The following STEAP1B variants were observed in gnomAD, a reference collection of about 807,000 sequenced individuals.
STEAP1B encodes the protein STEAP family protein MGC87042.
Under a neutral mutation model 27.9 loss-of-function variants are expected in STEAP1B, and 13 were observed. That is an observed-to-expected ratio of 0.47 (90% confidence interval 0.30 to 0.74). STEAP1B has a LOEUF of 0.74. Among genes scored for constraint, STEAP1B ranks in the 30% least tolerant of loss-of-function variants. STEAP1B has a pLI of 0.06. For synonymous variants in STEAP1B, 86 were observed against 107.1 expected (o/e 0.80, Z 1.22); for missense variants, 250 against 298.7 (o/e 0.84, Z 1.20).
intron 4 of STEAP1B, among the ~76,000 whole-genome samples, chr7:22,459,280 A>T (rs1177596973): frequency 6.6e-6 from 1 of 152,240 alleles, no homozygotes; most frequent in African/African-American, 2.4e-5. Context: ...CATTTACCTT[A>T]TAAACTTCTT....
intron 4 of STEAP1B, among the ~76,000 whole-genome samples, chr7:22,427,716 G>A (rs1785126596): frequency 6.6e-6 from 1 of 152,188 alleles, no homozygotes; most frequent in Non-Finnish European, 1.5e-5. Flanking sequence ...GGCAGGAAAT[G>A]TTTACAAAAG....
chr7:22,420,341 A>G (rs1785029397), intron 4 of STEAP1B, among the ~76,000 whole-genome samples: 1 of 152,186 alleles, frequency 6.6e-6, no homozygotes, highest in South Asian at 2.1e-4. Flanking sequence ...GGGATGATAA[A>G]GCACTCAGCC....
At chr7:22,456,128 C>T (rs1335797101) in intron 4 of STEAP1B, among the ~76,000 whole-genome samples, 1 of 150,968 alleles carries the variant, frequency 6.6e-6, no homozygotes, top group Admixed American at 6.6e-5. Flanking sequence ...GCCTGGGCAA[C>T]AGAGCGAGAC....
intron 4 of STEAP1B, among the ~76,000 whole-genome samples, chr7:22,470,554 T>C (rs1441899492): frequency 6.6e-6 from 1 of 152,112 alleles, no homozygotes; most frequent in African/African-American, 2.4e-5. Context: ...CCGTATCACT[T>C]GAGGTCAGGA....
chr7:22,462,977 G>A (rs1785705992), intron 4 of STEAP1B, among the ~76,000 whole-genome samples: 1 of 151,928 alleles, frequency 6.6e-6, no homozygotes, highest in South Asian at 2.1e-4. Context: ...TTTCTCTGAT[G>A]GCCAGTGATG....
At chr7:22,469,149 A>G (rs1785837084) in intron 4 of STEAP1B, among the ~76,000 whole-genome samples, 2 of 152,204 alleles carry the variant, frequency 1.3e-5, no homozygotes, top group Admixed American at 1.3e-4. Context: ...AAGCAGTGAT[A>G]TTGATGATCT....
intron 4 of STEAP1B, among the ~76,000 whole-genome samples, chr7:22,484,177 T>C (rs1786134503): frequency 6.6e-6 from 1 of 152,244 alleles, no homozygotes; most frequent in African/African-American, 2.4e-5. Context: ...GTGGCTACAC[T>C]AAGCAGAATT....
chr7:22,467,965 G>GC (rs1785815662), intron 4 of STEAP1B, among the ~76,000 whole-genome samples: 1 of 152,110 alleles, frequency 6.6e-6, no homozygotes, highest in South Asian at 2.1e-4. Context: ...GGTGGAGGGA[G>GC]CCCCAGAATG....
intron 4 of STEAP1B, among the ~76,000 whole-genome samples, chr7:22,472,935 T>C (rs1785909841): frequency 6.6e-6 from 1 of 152,142 alleles, no homozygotes; most frequent in Non-Finnish European, 1.5e-5. Flanking sequence ...ATGGAGAGGA[T>C]GATGATGGCG....
At chr7:22,437,812 T>C (rs1785273344) in intron 4 of STEAP1B, among the ~76,000 whole-genome samples, 3 of 152,250 alleles carry the variant, frequency 2.0e-5, no homozygotes, top group Admixed American at 1.3e-4. Context: ...CATGAGGTAA[T>C]ATCTCACTGT....
chr7:22,433,213 G>C (rs1307678931), intron 4 of STEAP1B, among the ~76,000 whole-genome samples: 1 of 152,076 alleles, frequency 6.6e-6, no homozygotes, highest in Admixed American at 6.6e-5. Flanking sequence ...CCAAAAGACA[G>C]AGAACCTGGT....
chr7:22,457,539 C>G (rs1785607954), intron 4 of STEAP1B, among the ~76,000 whole-genome samples: 2 of 152,176 alleles, frequency 1.3e-5, no homozygotes, highest in Non-Finnish European at 2.9e-5. Context: ...AAATTTGTTC[C>G]TGAGGTAAGT....
At chr7:22,420,026 G>A (rs116279073) in intron 4 of STEAP1B, among the ~76,000 whole-genome samples, 190 bp from the exon 5 acceptor site, 1,673 of 152,256 alleles carry the variant, frequency 0.011, 27 homozygotes, top group African/African-American at 0.038. Flanking sequence ...TAGAATTCCG[G>A]TGTGGTCTTT....
At chr7:22,453,411 T>TG (rs1316391721) in intron 4 of STEAP1B, among the ~76,000 whole-genome samples, 2 of 151,672 alleles carry the variant, frequency 1.3e-5, no homozygotes, top group East Asian at 3.9e-4. Flanking sequence ...CAGAGACCCC[T>TG]TTGCAGTCAT....
At chr7:22,447,966 T>C (rs1003626942) in intron 4 of STEAP1B, among the ~76,000 whole-genome samples, 1 of 152,218 alleles carries the variant, frequency 6.6e-6, no homozygotes, top group Non-Finnish European at 1.5e-5. Context: ...ATGCAACCCA[T>C]ATTGGTTTCA....
At chr7:22,424,884 A>G (rs1445629124) in intron 4 of STEAP1B, among the ~76,000 whole-genome samples, 1 of 89,070 alleles carries the variant, frequency 1.1e-5, no homozygotes, top group Non-Finnish European at 2.6e-5. Flanking sequence ...CCAGAGTACA[A>G]ATTGTTAAGT....
chr7:22,434,889 T>G (rs1363101964), intron 4 of STEAP1B, among the ~76,000 whole-genome samples: 1 of 152,212 alleles, frequency 6.6e-6, no homozygotes, highest in Admixed American at 6.5e-5. Flanking sequence ...TAGAATTTGT[T>G]AATTTATTCA....
intron 4 of STEAP1B, among the ~76,000 whole-genome samples, chr7:22,473,285 T>A (rs1785916716): frequency 2.0e-5 from 3 of 152,134 alleles, no homozygotes; most frequent in Admixed American, 6.5e-5. Context: ...AAGGATTACA[T>A]CCTCTAGCTC....
intron 4 of STEAP1B, among the ~76,000 whole-genome samples, chr7:22,428,992 T>G (rs1004311485): frequency 1.3e-5 from 2 of 152,314 alleles, no homozygotes; most frequent in Middle Eastern, 3.4e-3. Context: ...CTGAACCTAC[T>G]GAATTGACCC....
Sources: gnomAD v4.1 joint callset for allele counts (sites outside exome capture counted in the v4.1 genomes callset) on GRCh38, gnomAD v4.1.1 for gene constraint, MANE v1.5 for transcripts, NCBI Gene and HGNC (gene_info 2026-07-23, HGNC 2026-07-21) for gene names.